The following GALNT13 variants were observed in gnomAD, a reference collection of about 807,000 sequenced individuals.
GALNT13 encodes the protein polypeptide N-acetylgalactosaminyltransferase 13, also known as UDP-GalNAc:polypeptide N-acetylgalactosaminyltransferase 13.
A neutral mutation model predicts 64.2 loss-of-function variants in GALNT13; 28 were observed. That is an observed-to-expected ratio of 0.44 (90% CI 0.32 to 0.60). GALNT13 has a LOEUF of 0.60. GALNT13 is among the 20% of genes least tolerant of loss of function. The probability of loss-of-function intolerance (pLI) is 0.05; values close to 1 mark genes in which losing one functional copy is unlikely to be tolerated. For synonymous variants in GALNT13, 214 were observed against 224.6 expected, an observed-to-expected ratio of 0.95 and a Z score of 0.42; for missense variants, 577 against 669.8, an observed-to-expected ratio of 0.86 and a Z score of 1.53.
chr2:153,722,155 A>T, the GALNT13 span, among the ~76,000 whole-genome samples: 2 of 145,866 alleles, frequency 1.4e-5, no homozygotes, highest in Non-Finnish European at 1.5e-5. Flanking sequence ...TAAGAATCTC[A>T]CTCAAAGCCG....
chr2:153,649,256 G>C, the GALNT13 span, among the ~76,000 whole-genome samples: 2 of 151,950 alleles, frequency 1.3e-5, no homozygotes, highest in Non-Finnish European at 2.9e-5. Context: ...TTGCACAGAG[G>C]TGTTTATAGT....
the GALNT13 span, among the ~76,000 whole-genome samples, chr2:153,668,600 A>G: frequency 6.6e-5 from 10 of 152,110 alleles, no homozygotes; most frequent in African/African-American, 2.4e-5. Flanking sequence ...GGAAAGAGAC[A>G]CTAGGATGAA....
At chr2:154,079,320 T>G (rs546790248) in intron 3 of GALNT13, among the ~76,000 whole-genome samples, 34 of 151,754 alleles carry the variant, frequency 2.2e-4, no homozygotes, top group Non-Finnish European at 4.0e-4. Flanking sequence ...CAAAACAATA[T>G]GAAGATAAAT....
At chr2:154,228,327 A>G (rs1042458495) in intron 4 of GALNT13, among the ~76,000 whole-genome samples, 1 of 152,084 alleles carries the variant, frequency 6.6e-6, no homozygotes, top group Non-Finnish European at 1.5e-5. Context: ...CTATCTCTTT[A>G]GGTTACTGCT....
the GALNT13 span, among the ~76,000 whole-genome samples, chr2:153,123,901 T>A: frequency 6.6e-6 from 1 of 152,192 alleles, no homozygotes; most frequent in Non-Finnish European, 1.5e-5. Flanking sequence ...TTCCCTAGAT[T>A]GTGGGCTGGA....
the GALNT13 span, among the ~76,000 whole-genome samples, chr2:153,844,070 A>G: frequency 0.29 from 44,661 of 151,958 alleles, 7,161 homozygotes; most frequent in Middle Eastern, 0.43. Context: ...GGATGGTAGC[A>G]GTCCCCTTCA....
chr2:153,372,223 T>A, the GALNT13 span, among the ~76,000 whole-genome samples: 4 of 152,228 alleles, frequency 2.6e-5, no homozygotes, highest in Admixed American at 2.6e-4. Flanking sequence ...TAACCTCTTA[T>A]GTTTATTGCA....
chr2:153,093,139 T>G, the GALNT13 span, among the ~76,000 whole-genome samples: 1 of 152,132 alleles, frequency 6.6e-6, no homozygotes, highest in Admixed American at 6.5e-5. Flanking sequence ...CATTCTCTTG[T>G]ATAGTGTACC....
chr2:153,719,446 TG>T, the GALNT13 span, among the ~76,000 whole-genome samples: 1 of 152,060 alleles, frequency 6.6e-6, no homozygotes, highest in Non-Finnish European at 1.5e-5. Context: ...AAAGCTAATA[TG>T]GGGGGAGGAG....
chr2:153,442,420 GTC>G, the GALNT13 span, among the ~76,000 whole-genome samples: 2 of 152,048 alleles, frequency 1.3e-5, no homozygotes, highest in African/African-American at 4.8e-5. Flanking sequence ...TTTTTGTTGT[GTC>G]TCTGCCAGTT....
the GALNT13 span, among the ~76,000 whole-genome samples, chr2:153,173,696 C>T: frequency 6.6e-6 from 1 of 152,000 alleles, no homozygotes; most frequent in African/African-American, 2.4e-5. Context: ...AATACATTCA[C>T]CCCATCCCAA....
the GALNT13 span, among the ~76,000 whole-genome samples, chr2:153,188,159 G>A: frequency 6.6e-6 from 1 of 151,838 alleles, no homozygotes; most frequent in Admixed American, 6.6e-5. Context: ...TGGTTTTCCT[G>A]TTCTGAACTA....
intron 4 of GALNT13, among the ~76,000 whole-genome samples, chr2:154,195,124 C>T (rs534125858): frequency 6.6e-6 from 1 of 152,180 alleles, no homozygotes; most frequent in South Asian, 2.1e-4. Flanking sequence ...CTCTGTACTG[C>T]TGCCTCCCAC....
the GALNT13 span, among the ~76,000 whole-genome samples, chr2:153,084,217 G>A: frequency 6.6e-6 from 1 of 152,014 alleles, no homozygotes; most frequent in Admixed American, 6.6e-5. Flanking sequence ...TTGGCTATGT[G>A]GGTTCTTTTT....
the GALNT13 span, among the ~76,000 whole-genome samples, chr2:153,830,519 C>G: frequency 6.6e-6 from 1 of 152,008 alleles, no homozygotes; most frequent in African/African-American, 2.4e-5. Flanking sequence ...GTAGTATTGC[C>G]TTTGTCAATT....
intron 3 of GALNT13, among the ~76,000 whole-genome samples, chr2:153,955,102 T>G (rs1692471418): frequency 6.6e-6 from 1 of 152,172 alleles, no homozygotes; most frequent in Non-Finnish European, 1.5e-5. Flanking sequence ...TAGAGCACAC[T>G]GATTAATTTA....
chr2:154,140,543 A>G (rs762501227), intron 4 of GALNT13, 38 bp downstream of exon 4: 2 of 1,399,848 alleles, frequency 1.4e-6, no homozygotes, highest in East Asian at 4.6e-5. Flanking sequence ...TTATATTCAT[A>G]ATCACCATAT....
the GALNT13 span, among the ~76,000 whole-genome samples, chr2:153,189,802 A>G: frequency 6.6e-6 from 1 of 152,030 alleles, no homozygotes; most frequent in African/African-American, 2.4e-5. Context: ...TGTAACTGGG[A>G]TGAGATAATA....
At chr2:154,245,252 C>G (rs1219562306) in intron 6 of GALNT13, among the ~76,000 whole-genome samples, 1 of 152,004 alleles carries the variant, frequency 6.6e-6, no homozygotes. Context: ...ATGGTCATGA[C>G]CCTATCATCT....
Sources: gnomAD v4.1 joint callset for allele counts (sites outside exome capture counted in the v4.1 genomes callset) on GRCh38, gnomAD v4.1.1 for gene constraint, MANE v1.5 for transcripts, NCBI Gene and HGNC (gene_info 2026-07-23, HGNC 2026-07-21) for gene names.